FRMPD2: variants seen among roughly 807,000 people sequenced by gnomAD.
FRMPD2 encodes the protein FERM and PDZ domain containing 2.
In FRMPD2, 96 loss-of-function variants were observed where a neutral mutation model predicts 140.1. The observed-to-expected ratio is 0.69, with a 90% CI of 0.58 to 0.81. The LOEUF is 0.81. FRMPD2 is among the 40% of genes least tolerant of loss of function. The probability of loss-of-function intolerance (pLI) is 0.00; values close to 1 mark genes in which losing one functional copy is unlikely to be tolerated. For synonymous variants in FRMPD2, 449 were observed against 547.6 expected, an observed-to-expected ratio of 0.82 and a Z score of 2.52; for missense variants, 1,240 against 1,447.4, an observed-to-expected ratio of 0.86 and a Z score of 2.32.
intron 1 of FRMPD2, among the ~76,000 whole-genome samples, chr10:48,261,681 C>T (rs946318462): frequency 5.9e-5 from 9 of 152,124 alleles, no homozygotes; most frequent in African/African-American, 2.2e-4. Flanking sequence ...GAAAATGATA[C>T]AGAAGAGAAA....
rs532348912 is a variant in FRMPD2 at position 48,161,385 on chromosome 10, CA to C, written c.3881+1942del. On this transcript the variant is annotated intron_variant, in intron 28 of 28. Coordinates refer to ENST00000374201, the MANE Select transcript of FRMPD2 (RefSeq NM_001018071.4). ...AAACAGAATAATGTGATGTTTGATG[CA>C]AAAAAAAAACAGCAAATGCTAACAG... 3.2e-4 allele frequency among the ~76,000 whole-genome samples: 46 copies of C among 143,804 alleles called. 1 individual carries two copies. Among genetic ancestry groups the C allele is most frequent in the Middle Eastern group, 7.0e-3 (2 of 284 alleles). The allele number at this position is 143,804 out of a possible 152,430, so 94.3% of individuals were successfully genotyped here. A position where few individuals can be genotyped will look rare whatever the true frequency, so the allele number is the denominator to read the frequency against.
intron 15 of FRMPD2, among the ~76,000 whole-genome samples, chr10:48,199,273 CAAA>C (rs377604893): frequency 1.7e-5 from 2 of 119,668 alleles, no homozygotes; most frequent in Non-Finnish European, 1.8e-5. Context: ...TGAGTTCAGG[CAAA>C]AAAAAAAAAA....
chr10:48,184,519 G>T, intron 20 of FRMPD2, 47 bp downstream of exon 20: 2 of 1,189,848 alleles, frequency 1.7e-6, no homozygotes, highest in Non-Finnish European at 2.5e-6. Flanking sequence ...ATGTACTCCT[G>T]AAAACAGGGG....
At chr10:48,194,462 A>C (rs1445950592) in intron 15 of FRMPD2, among the ~76,000 whole-genome samples, 2 of 152,222 alleles carry the variant, frequency 1.3e-5, no homozygotes, top group Non-Finnish European at 2.9e-5. Context: ...AGACTTAATC[A>C]TGATGGATAT....
chr10:48,245,350 C>A (rs1196261959), intron 3 of FRMPD2, among the ~76,000 whole-genome samples: 1 of 152,230 alleles, frequency 6.6e-6, no homozygotes, highest in African/African-American at 2.4e-5. Flanking sequence ...AACTAACAAC[C>A]ATATCTTTGG....
chr10:48,225,378 G>T (rs886522147), intron 10 of FRMPD2, among the ~76,000 whole-genome samples: 1 of 152,110 alleles, frequency 6.6e-6, no homozygotes, highest in South Asian at 2.1e-4. Flanking sequence ...GTCACACAAG[G>T]ATAGCCAGCA....
At chr10:48,219,538 A>G (rs1263756823) in intron 12 of FRMPD2, among the ~76,000 whole-genome samples, 1 of 152,128 alleles carries the variant, frequency 6.6e-6, no homozygotes, top group East Asian at 1.9e-4. Flanking sequence ...GTCTGTTCCC[A>G]AGCCTTTCCC....
chr10:48,220,043 C>T (rs939131908), intron 12 of FRMPD2, among the ~76,000 whole-genome samples: 28 of 152,104 alleles, frequency 1.8e-4, no homozygotes, highest in African/African-American at 6.8e-4. Context: ...GCTGCAAGAG[C>T]TAAGTGAGTT....
chr10:48,246,745 A>G (rs1414996343), intron 3 of FRMPD2, among the ~76,000 whole-genome samples: 2 of 152,248 alleles, frequency 1.3e-5, no homozygotes, highest in Non-Finnish European at 2.9e-5. Context: ...CAGCCTGTCC[A>G]GGGACCATTC....
intron 12 of FRMPD2, among the ~76,000 whole-genome samples, chr10:48,213,486 A>G (rs76037323): frequency 0.014 from 2,191 of 152,360 alleles, 51 homozygotes; most frequent in African/African-American, 0.048. Context: ...GTAATTACCA[A>G]AAGGAGTTGA....
intron 14 of FRMPD2, among the ~76,000 whole-genome samples, chr10:48,202,911 G>A (rs969968335): frequency 2.0e-5 from 3 of 151,908 alleles, no homozygotes; most frequent in Non-Finnish European, 2.9e-5. Flanking sequence ...AGCAATCCTC[G>A]CACCTCAGCC....
chr10:48,201,518 TCTGA>T, intron 14 of FRMPD2, 134 bp from the exon 15 acceptor site: 1 of 650,736 alleles, frequency 1.5e-6, no homozygotes, highest in Non-Finnish European at 2.6e-6. Context: ...GCAGATGCTG[TCTGA>T]CTATGGCCTG....
chr10:48,251,130 T>C (rs116325487), intron 2 of FRMPD2, among the ~76,000 whole-genome samples: 21 of 152,260 alleles, frequency 1.4e-4, no homozygotes, highest in African/African-American at 5.1e-4. Context: ...GGGCACAGAC[T>C]AGTGCAACAT....
Position 48,200,194 on chromosome 10 carries a change from AAAT to A in FRMPD2, c.1954+1031_1954+1033del, listed in dbSNP as rs1445667038. ...TAAATAAATAAATAAATAAATAAAT[AAAT>A]AAAACAGAGCCAAGCAACCATTTGC... On this transcript the variant is annotated intron_variant, in intron 15 of 28. Transcript: ENST00000374201. Among the ~76,000 whole-genome samples, 180 of 121,276 alleles carry A rather than the reference AAAT, an allele frequency of 1.5e-3. 1 individual carries two copies. Among genetic ancestry groups the A allele is most frequent in the South Asian group, 7.1e-3 (27 of 3,802 alleles). 79.6% of individuals were successfully genotyped at this position (121,276 alleles called of 152,430 possible).
chr10:48,192,952 T>G, intron 15 of FRMPD2, 58 bp from the exon 16 acceptor site: 36 of 1,264,696 alleles, frequency 2.8e-5, no homozygotes, highest in Non-Finnish European at 3.6e-5. Context: ...GCTGGATCCA[T>G]TGCTCTGGTG....
intron 16 of FRMPD2, among the ~76,000 whole-genome samples, chr10:48,188,737 G>A (rs961917984): frequency 1.8e-4 from 27 of 152,324 alleles, no homozygotes; most frequent in East Asian, 1.4e-3. Context: ...TGGCCTTTAC[G>A]GAAAAGGAAG....
chr10:48,231,066 C>T (rs576358605), intron 10 of FRMPD2, among the ~76,000 whole-genome samples: 1 of 152,308 alleles, frequency 6.6e-6, no homozygotes, highest in South Asian at 2.1e-4. Context: ...ACTTGCTGGT[C>T]ATTTCCCTTC....
chr10:48,184,876 C>G lies in FRMPD2; in HGVS notation c.2365G>C (p.Val789Leu), dbSNP rs1375449587. ...CCTGAATACTCTCCCTCATTAATGA[C>G]AAACCCTGTAATCCAAGATGATAGT... ...KRDPHRGFGF[V>L]INEGEYSGQA... The change falls in exon 19 of 29, where the codon GTC becomes CTC. Residue 789 changes from valine (V) to leucine (L), a missense_variant. By Grantham distance (32) the Val-to-Leu change is conservative. This residue lies in a region of FRMPD2 where 1,161 missense variants were observed against 1,055.9 expected (regional missense o/e 1.10). Coordinates refer to ENST00000374201, the MANE Select transcript of FRMPD2 (RefSeq NM_001018071.4). 1 of 1,607,402 alleles carries G rather than the reference C, an allele frequency of 6.2e-7. No individual in the cohort carries two copies. The highest frequency in any genetic ancestry group is 8.5e-7 in the Non-Finnish European group (1 of 1,174,566).
chr10:48,222,858 C>T (rs1416982428), intron 11 of FRMPD2, among the ~76,000 whole-genome samples: 1 of 152,112 alleles, frequency 6.6e-6, no homozygotes, highest in Non-Finnish European at 1.5e-5. Flanking sequence ...TTTGGGGTCA[C>T]AGACAGAGAA....
Sources: gnomAD v4.1 joint callset for allele counts (sites outside exome capture counted in the v4.1 genomes callset) on GRCh38, gnomAD v4.1.1 for gene constraint, gnomAD v4.1.1 regional missense constraint, MANE v1.5 for transcripts, NCBI Gene and HGNC (gene_info 2026-07-23, HGNC 2026-07-21) for gene names.